Variants in DDX60L observed in about 807,000 individuals in gnomAD.
DDX60L encodes the protein probable ATP-dependent RNA helicase DDX60-like.
Under a neutral mutation model 211.6 loss-of-function variants are expected in DDX60L, and 191 were observed. The observed-to-expected ratio is 0.90, with a 90% CI of 0.80 to 1.02. The LOEUF is 1.02. Ranked by LOEUF, DDX60L falls within the 50% of genes least tolerant of loss-of-function variation. DDX60L has a pLI of 0.00. For synonymous variants in DDX60L, 706 were observed against 694.1 expected (o/e 1.02, Z -0.27); for missense variants, 2,007 against 1,984.1 (o/e 1.01, Z -0.22).
In DDX60L at chr4:168,456,132, C is replaced by A; in HGVS notation, c.744G>T (p.Leu248=). Residue 248 remains leucine, a synonymous_variant, in exon 7 of 38, where the codon CTG becomes CTT. Transcript: ENST00000682922. Reference sequence around the variant, plus strand: ...ATCCTTCTGACCATAGGTGCTGAAGCAGAAATAGAGTCTGATACGCCTATC... The same window carrying A: ...ATCCTTCTGACCATAGGTGCTGAAGAAGAAATAGAGTCTGATACGCCTATC... ...MMEEAYQTLF[L]LQHLWSEGSD... is the part of the protein sequence containing the mutation. 6.3e-7 allele frequency: 1 copy of A among 1,581,612 alleles called. No individual in the cohort carries two copies.
chr4:168,479,436 C>A (rs185066472), intron 1 of DDX60L, among the ~76,000 whole-genome samples: 2 of 152,250 alleles, frequency 1.3e-5, no homozygotes, highest in African/African-American at 4.8e-5. Flanking sequence ...GTTTGGACTT[C>A]TTATTGTGTC....
At chr4:168,440,060 T>TA (rs1287553178) in intron 10 of DDX60L, among the ~76,000 whole-genome samples, 2 of 152,004 alleles carry the variant, frequency 1.3e-5, no homozygotes, top group Admixed American at 6.5e-5. Flanking sequence ...ATGGCCAAAA[T>TA]AAAAAAGACT....
At chr4:168,442,753 C>A (rs2150006020) in intron 9 of DDX60L, among the ~76,000 whole-genome samples, 1 of 151,412 alleles carries the variant, frequency 6.6e-6, no homozygotes, top group East Asian at 2.0e-4. Context: ...GGAGGCACCC[C>A]CCAGCAGGGG....
chr4:168,415,270 A>G, intron 22 of DDX60L, 138 bp downstream of exon 22: 3 of 462,464 alleles, frequency 6.5e-6, no homozygotes, highest in South Asian at 6.6e-5. Flanking sequence ...TAAAAAATCA[A>G]TGAATAAAAT....
chr4:168,383,668 TGACTGCTGTCACA>T, intron 30 of DDX60L, among the ~76,000 whole-genome samples: 1 of 151,962 alleles, frequency 6.6e-6, no homozygotes, highest in South Asian at 2.1e-4. Flanking sequence ...GAGTGAGACA[TGACTGCTGTCACA>T]CCCTGTCACA....
At chr4:168,390,720 A>G (rs1744662207) in intron 29 of DDX60L, among the ~76,000 whole-genome samples, 1 of 151,914 alleles carries the variant, frequency 6.6e-6, no homozygotes, top group Non-Finnish European at 1.5e-5. Flanking sequence ...AGGATGTCAT[A>G]TAAGGAAATG....
chr4:168,460,711 A>C (rs995510922), intron 5 of DDX60L, among the ~76,000 whole-genome samples: 3 of 152,058 alleles, frequency 2.0e-5, no homozygotes, highest in Non-Finnish European at 4.4e-5. Context: ...TTCCATTCTG[A>C]CACTAACTAC....
In DDX60L at chr4:168,387,342, C is replaced by T. The variant is rs62334103; in HGVS notation, c.3916-2530G>A. On this transcript the variant is annotated intron_variant, in intron 29 of 37. Coordinates refer to ENST00000682922, the MANE Select transcript of DDX60L (RefSeq NM_001012967.3). ...AAACATCTGATGGAAACTTCTGGTTCGGAGCTTGGAAACCACTCAGTCAGA... is the reference window on the plus strand; with the variant it reads ...AAACATCTGATGGAAACTTCTGGTTTGGAGCTTGGAAACCACTCAGTCAGA... Among the ~76,000 whole-genome samples the T allele has an allele frequency of 6.7e-3, 1,025 of 152,326 alleles. 7 individuals are homozygous for T. Among genetic ancestry groups the T allele is most frequent in the Middle Eastern group, 0.014 (4 of 294 alleles).
Position 168,406,020 on chromosome 4 carries a change from T to C in DDX60L, c.3143A>G (p.Asp1048Gly). The C allele has an allele frequency of 6.2e-7, 1 of 1,603,688 alleles. No homozygotes were observed. Among genetic ancestry groups the C allele is most frequent in the Non-Finnish European group, 8.5e-7 (1 of 1,175,966 alleles). Residue 1048 changes from aspartate (D) to glycine (G), a missense_variant, in exon 24 of 38, where the codon GAT becomes GGT. Physicochemically the swap from Asp to Gly is moderately conservative, Grantham distance 94 (BLOSUM62 -1). Transcript: ENST00000682922. ...FKNKIVIKKL[D>G]ARKYEENLKA... ...TAAGTTTTCTTCATATTTTCTAGCATCCAACTTCTTAATGACTATCTTATT... is the reference window on the plus strand; with the variant it reads ...TAAGTTTTCTTCATATTTTCTAGCACCCAACTTCTTAATGACTATCTTATT...
At position 168,471,895 on chromosome 4, in the gene DDX60L, A is replaced by G; in HGVS notation, c.116T>C (p.Phe39Ser). 6.2e-7 allele frequency: 1 copy of G among 1,609,752 alleles called. No individual in the cohort carries two copies. The highest frequency in any genetic ancestry group is 8.5e-7 in the Non-Finnish European group (1 of 1,178,984). ...AAGCAAGGAATCTCCATCAATCACA[A>G]AAAAATTAGATTCCACAAAATCATT... ...ILNDFVESNF[F>S]VIDGDSLLVT... The change falls in exon 4 of 38, where the codon TTT (phenylalanine) becomes TCT (serine). Residue 39 changes from phenylalanine to serine, a missense_variant. Physicochemically the swap from Phe to Ser is radical, Grantham distance 155. Coordinates refer to ENST00000682922, the MANE Select transcript of DDX60L (RefSeq NM_001012967.3).
chr4:168,416,202 T>C (rs760772248), intron 20 of DDX60L, among the ~76,000 whole-genome samples: 3 of 152,212 alleles, frequency 2.0e-5, no homozygotes, highest in Non-Finnish European at 4.4e-5. Context: ...ATGATTGTCA[T>C]CTGCAAGGTC....
At chr4:168,437,933 G>A (rs1163729335) in intron 10 of DDX60L, among the ~76,000 whole-genome samples, 1 of 152,094 alleles carries the variant, frequency 6.6e-6, no homozygotes, top group Non-Finnish European at 1.5e-5. Flanking sequence ...GAGTGCAGGG[G>A]CGCAATCTCA....
chr4:168,386,844 TAAG>T (rs1307059453), intron 29 of DDX60L, among the ~76,000 whole-genome samples: 5 of 152,056 alleles, frequency 3.3e-5, no homozygotes, highest in East Asian at 1.9e-4. Context: ...TTAGAAACAG[TAAG>T]AAGATTAGAT....
At chr4:168,409,994 C>G (rs941078067) in intron 22 of DDX60L, among the ~76,000 whole-genome samples, 27 of 152,160 alleles carry the variant, frequency 1.8e-4, no homozygotes, top group African/African-American at 6.0e-4. Context: ...AAATTCTCAA[C>G]ACATCTTTGC....
At chr4:168,379,954 T>G in intron 30 of DDX60L, 124 bp from the exon 31 acceptor site, 3 of 576,722 alleles carry the variant, frequency 5.2e-6, no homozygotes, top group Non-Finnish European at 8.9e-6. Context: ...GAAAGTAAAT[T>G]TCATTTGATT....
intron 22 of DDX60L, among the ~76,000 whole-genome samples, chr4:168,412,161 G>T (rs1349252366): frequency 6.6e-6 from 1 of 151,756 alleles, no homozygotes; most frequent in Non-Finnish European, 1.5e-5. Context: ...CACCTTCCTA[G>T]CTGTGGTGGC....
intron 18 of DDX60L, among the ~76,000 whole-genome samples, chr4:168,419,829 T>C (rs1280135133): frequency 6.6e-6 from 1 of 152,214 alleles, no homozygotes; most frequent in Non-Finnish European, 1.5e-5. Context: ...GTTTGTTAAA[T>C]CTACTTGAAT....
At position 168,415,034 on chromosome 4, in the gene DDX60L, T is replaced by C. The variant is rs867249173; in HGVS notation, c.2979+374A>G. 5.9e-5 allele frequency among the ~76,000 whole-genome samples: 9 copies of C among 151,910 alleles called. No individual in the cohort carries two copies. The South Asian group carries it at 1.7e-3, about 28-fold the overall frequency. Reference sequence around the variant, plus strand: ...ATTGGATTGTGCTTAAGGTAATGGATACATACCTCATTTAGTCTGATGTGG... The same window carrying C: ...ATTGGATTGTGCTTAAGGTAATGGACACATACCTCATTTAGTCTGATGTGG... On this transcript the variant is annotated intron_variant, in intron 22 of 37. Coordinates refer to ENST00000682922, the MANE Select transcript of DDX60L (RefSeq NM_001012967.3).
chr4:168,459,613 G>A (rs954972664), intron 5 of DDX60L, among the ~76,000 whole-genome samples: 6 of 152,014 alleles, frequency 3.9e-5, no homozygotes, highest in South Asian at 2.1e-4. Context: ...TTAGCCTGGC[G>A]TGGTGGCAGG....
Sources: gnomAD v4.1 joint callset for allele counts (sites outside exome capture counted in the v4.1 genomes callset) on GRCh38, gnomAD v4.1.1 for gene constraint, MANE v1.5 for transcripts, NCBI Gene and HGNC (gene_info 2026-07-23, HGNC 2026-07-21) for gene names.